Variants in LYZL4 observed in about 807,000 individuals in gnomAD.
LYZL4 encodes the protein lysozyme-like protein 4.
In LYZL4, 13 loss-of-function variants were observed where a neutral mutation model predicts 17.6. That is an observed-to-expected ratio of 0.74 (90% confidence interval 0.48 to 1.18). LYZL4 has a LOEUF of 1.18. LYZL4 is among the 50% of genes most tolerant of loss of function. The pLI is 0.00. For missense variants in LYZL4, 174 were observed against 188.2 expected (o/e 0.92, Z 0.44); for synonymous variants, 64 against 67.7 (o/e 0.95, Z 0.27).
chr3:42,371,205 A>G, the LYZL4 span, among the ~76,000 whole-genome samples: 3 of 152,160 alleles, frequency 2.0e-5, no homozygotes. Flanking sequence ...ATCTTTCTCT[A>G]AAGAGCTGCT....
At chr3:42,380,952 A>C in the LYZL4 span, among the ~76,000 whole-genome samples, 1 of 152,188 alleles carries the variant, frequency 6.6e-6, no homozygotes, top group Admixed American at 6.5e-5. Flanking sequence ...TGTGGCATAA[A>C]ATATAGTTGT....
the LYZL4 span, among the ~76,000 whole-genome samples, chr3:42,391,550 T>C: frequency 0.019 from 2,878 of 152,248 alleles, 98 homozygotes; most frequent in African/African-American, 0.066. Context: ...TAAGAATTGA[T>C]CACAGCATTT....
intron 4 of LYZL4, among the ~76,000 whole-genome samples, chr3:42,401,531 T>G (rs1242602777): frequency 6.6e-6 from 1 of 152,130 alleles, no homozygotes. Context: ...ATAATAAAAT[T>G]TATTATGAAA....
intron 1 of LYZL4, among the ~76,000 whole-genome samples, chr3:42,408,420 G>T (rs1424556857): frequency 3.3e-5 from 5 of 152,106 alleles, no homozygotes; most frequent in African/African-American, 4.8e-5. Flanking sequence ...CAATGCACAG[G>T]GCCCTACCAT....
the LYZL4 span, among the ~76,000 whole-genome samples, chr3:42,386,289 G>T: frequency 7.2e-5 from 11 of 151,806 alleles, no homozygotes; most frequent in Non-Finnish European, 4.4e-5. Context: ...TTTTAGTAGG[G>T]GCGGGGTTTT....
At chr3:42,409,549 G>A (rs1698826810) in intron 1 of LYZL4, among the ~76,000 whole-genome samples, 1 of 152,124 alleles carries the variant, frequency 6.6e-6, no homozygotes, top group South Asian at 2.1e-4. Context: ...TCCCCCAGAA[G>A]CCAGTTCATC....
chr3:42,392,245 C>T (rs953110759), downstream of LYZL4, among the ~76,000 whole-genome samples: 8 of 152,200 alleles, frequency 5.3e-5, no homozygotes, highest in Admixed American at 4.6e-4. Flanking sequence ...TGGGAGCACC[C>T]GCAGTTCATA....
At chr3:42,383,593 A>C in the LYZL4 span, among the ~76,000 whole-genome samples, 1 of 152,180 alleles carries the variant, frequency 6.6e-6, no homozygotes, top group Non-Finnish European at 1.5e-5. Flanking sequence ...CTGTAAATAA[A>C]ATAAATAGGT....
At chr3:42,374,856 T>G in the LYZL4 span, among the ~76,000 whole-genome samples, 1 of 152,316 alleles carries the variant, frequency 6.6e-6, no homozygotes, top group African/African-American at 2.4e-5. Context: ...AGGGTCTCAC[T>G]CTGTTGCCCA....
At chr3:42,391,991 C>T in the LYZL4 span, among the ~76,000 whole-genome samples, 1 of 152,098 alleles carries the variant, frequency 6.6e-6, no homozygotes, top group Admixed American at 6.5e-5. Flanking sequence ...ACCTCAGCCT[C>T]CCAAGTAGCT....
chr3:42,400,203 C>T (rs1698631294), intron 4 of LYZL4, among the ~76,000 whole-genome samples: 1 of 152,114 alleles, frequency 6.6e-6, no homozygotes, highest in Non-Finnish European at 1.5e-5. Context: ...CAGGCCTGTC[C>T]TTTCTCCCCC....
At chr3:42,378,071 C>T in the LYZL4 span, among the ~76,000 whole-genome samples, 1 of 152,182 alleles carries the variant, frequency 6.6e-6, no homozygotes, top group Non-Finnish European at 1.5e-5. Context: ...TATGAGGGCT[C>T]ATCCACACAG....
chr3:42,408,954 AG>A (rs2125604230), intron 1 of LYZL4, among the ~76,000 whole-genome samples: 1 of 152,364 alleles, frequency 6.6e-6, no homozygotes, highest in South Asian at 2.1e-4. Flanking sequence ...CTTGGGCAAA[AG>A]TTAGAAATAA....
At chr3:42,383,439 CAAAAA>C in the LYZL4 span, among the ~76,000 whole-genome samples, 1 of 108,902 alleles carries the variant, frequency 9.2e-6, no homozygotes. Flanking sequence ...TGATTTCCAC[CAAAAA>C]AAAAAAAAAA....
At chr3:42,395,620 T>C (rs575835699), downstream of LYZL4, among the ~76,000 whole-genome samples, 1 of 152,172 alleles carries the variant, frequency 6.6e-6, no homozygotes, top group Non-Finnish European at 1.5e-5. Flanking sequence ...GGGATATTCT[T>C]AATTTCCTTT....
At chr3:42,375,153 G>A in the LYZL4 span, among the ~76,000 whole-genome samples, 3 of 151,868 alleles carry the variant, frequency 2.0e-5, no homozygotes, top group Admixed American at 6.6e-5. Flanking sequence ...GGATCCCCCC[G>A]CCTCCACAAG....
downstream of LYZL4, among the ~76,000 whole-genome samples, chr3:42,394,260 A>G (rs1011037774): frequency 3.1e-4 from 47 of 152,186 alleles, no homozygotes; most frequent in African/African-American, 1.1e-3. Context: ...AATACCTCTT[A>G]AGTGCAGCAT....
At chr3:42,375,364 C>T in the LYZL4 span, among the ~76,000 whole-genome samples, 1 of 152,204 alleles carries the variant, frequency 6.6e-6, no homozygotes, top group Non-Finnish European at 1.5e-5. Context: ...GGAAAACAAG[C>T]CCTGGTTACT....
chr3:42,408,762 C>A (rs1698810663), intron 1 of LYZL4, among the ~76,000 whole-genome samples: 2 of 152,140 alleles, frequency 1.3e-5, no homozygotes, highest in African/African-American at 4.8e-5. Flanking sequence ...CTGTATACAC[C>A]TACACCGGGG....
Sources: gnomAD v4.1 joint callset for allele counts (sites outside exome capture counted in the v4.1 genomes callset) on GRCh38, gnomAD v4.1.1 for gene constraint, MANE v1.5 for transcripts, NCBI Gene and HGNC (gene_info 2026-07-23, HGNC 2026-07-21) for gene names.